Variants in FREM2 observed in about 807,000 individuals in gnomAD.
FREM2 encodes the protein FRAS1-related extracellular matrix protein 2.
FREM2 carries 119 observed loss-of-function variants against 219.9 expected under a neutral mutation model. That is an observed-to-expected ratio of 0.54 (90% CI 0.47 to 0.63). FREM2 has a LOEUF of 0.63. Among genes scored for constraint, FREM2 ranks in the 30% least tolerant of loss-of-function variants. FREM2 has a pLI of 0.00. For missense variants in FREM2, 4,030 were observed against 3,993.6 expected (o/e 1.01, Z -0.25); for synonymous variants, 1,562 against 1,522.8 (o/e 1.03, Z -0.60).
In FREM2 at chr13:38,796,730, C is replaced by T. The variant is rs1024467701; in HGVS notation, c.6019+11922C>T. On this transcript the variant is annotated intron_variant, in intron 6 of 23. Coordinates refer to ENST00000280481, the MANE Select transcript of FREM2 (RefSeq NM_207361.6). ...TATAAATAGTGCTGCAATGAACACA[C>T]AAGTGCAGGTATTCCTTTGATATAT... Among the ~76,000 whole-genome samples the T allele has an allele frequency of 2.6e-5, 4 of 152,254 alleles. No individual in the cohort carries two copies. In the East Asian group the frequency reaches 7.7e-4, roughly 29 times the overall value.
chr13:38,691,097 C>T lies in FREM2; in HGVS notation c.3753C>T (p.Ser1251=), dbSNP rs78099370. ...TAAATGGCACGGTTTTGGTCGAAAGCTTCACCTTGGATCAGATCATAGAGA... is the reference window on the plus strand; with the variant it reads ...TAAATGGCACGGTTTTGGTCGAAAGTTTCACCTTGGATCAGATCATAGAGA... The part of the protein sequence containing the change: ...QLINGTVLVE[S]FTLDQIIESS... The change falls in exon 1 of 24, where the codon AGC becomes AGT. Residue 1251 remains serine (S), a synonymous_variant. Coordinates refer to ENST00000280481, the MANE Select transcript of FREM2 (RefSeq NM_207361.6). The T allele has an allele frequency of 1.4e-3, 2,194 of 1,614,034 alleles. 39 individuals carry two copies. The African/African-American group carries it at 0.027, about 20-fold the overall frequency.
In FREM2 at chr13:38,687,793, G is replaced by A. The variant is rs1301345903; in HGVS notation, c.449G>A (p.Arg150His). The change falls in exon 1 of 24, where the codon CGC becomes CAC. Residue 150 changes from arginine to histidine, a missense_variant. Transcript: ENST00000280481. ...GGCGCGCGCAGCCCGTCTCGGGACC[G>A]CGTCCGGCTGCAGCTGCGCTATGAC... is the stretch of plus-strand genomic sequence containing the variant. ...HLGARSPSRD[R>H]VRLQLRYDAP... The A allele has an allele frequency of 1.3e-6, 2 of 1,537,336 alleles. No homozygotes were observed. The highest frequency in any genetic ancestry group is 1.8e-6 in the Non-Finnish European group (2 of 1,137,932).
intron 2 of FREM2, among the ~76,000 whole-genome samples, chr13:38,711,471 C>G (rs1870766678): frequency 6.6e-6 from 1 of 151,946 alleles, no homozygotes; most frequent in Non-Finnish European, 1.5e-5. Context: ...ATCTTAGGAG[C>G]CTGTGTTTTT....
At chr13:38,811,161 C>T (rs9576623) in intron 6 of FREM2, among the ~76,000 whole-genome samples, 23,410 of 151,746 alleles carry the variant, frequency 0.15, 2,121 homozygotes, top group East Asian at 0.28. Flanking sequence ...AGTTGTAATG[C>T]CTCCTTTTTC....
Position 38,690,568 on chromosome 13 carries a change from T to A in FREM2, c.3224T>A (p.Leu1075Ter). 6.2e-7 allele frequency: 1 copy of A among 1,614,170 alleles called. No homozygotes were observed. Among genetic ancestry groups the A allele is most frequent in the Non-Finnish European group, 8.5e-7 (1 of 1,180,028 alleles). ...CCAGAAATCTTTGTAGGTGAACAGT[T>A]GATAGTAATGGAAGGTGATAAAAGT... ...QAPEIFVGEQ[L>*]IVMEGDKSVI... Residue 1075 changes from leucine to a stop codon, truncating the protein, a stop_gained, in exon 1 of 24, where the codon TTG (leucine) becomes TAG (stop). Transcript: ENST00000280481. LOFTEE classifies it high-confidence loss of function.
intron 6 of FREM2, among the ~76,000 whole-genome samples, chr13:38,810,023 T>C (rs1317706864): frequency 1.3e-5 from 2 of 152,062 alleles, no homozygotes; most frequent in Non-Finnish European, 2.9e-5. Flanking sequence ...ATGGTTTTGT[T>C]GTAGAGCTCT....
At chr13:38,777,886 A>G (rs1372132850) in intron 4 of FREM2, among the ~76,000 whole-genome samples, 2 of 152,170 alleles carry the variant, frequency 1.3e-5, no homozygotes, top group Non-Finnish European at 1.5e-5. Context: ...TACTGGGCCT[A>G]TTTACTCTGT....
chr13:38,764,460 A>C lies in FREM2; in HGVS notation c.5410+10A>C. ...GAAACTTCTTTTATAAGTAAGTTTA[A>C]TTTTTTATTTCTGTTTTAAAATTTT... is the stretch of plus-strand genomic sequence containing the variant. On this transcript the variant is annotated intron_variant, in intron 3 of 23. Coordinates refer to ENST00000280481, the MANE Select transcript of FREM2 (RefSeq NM_207361.6). 1 of 1,438,730 alleles carries C rather than the reference A, an allele frequency of 7.0e-7. No homozygotes were observed. Among genetic ancestry groups the C allele is most frequent in the Non-Finnish European group, 9.6e-7 (1 of 1,037,038 alleles). 89.1% of individuals were successfully genotyped at this position (1,438,730 alleles called of 1,614,324 possible). A position where few individuals can be genotyped will look rare whatever the true frequency, so the allele number is the denominator to read the frequency against.
intron 11 of FREM2, among the ~76,000 whole-genome samples, chr13:38,852,704 C>CTTTT (rs369947598): frequency 7.6e-6 from 1 of 131,414 alleles, no homozygotes; most frequent in African/African-American, 2.8e-5. Flanking sequence ...ATGTCACCAT[C>CTTTT]TTTTTTTTTT....
chr13:38,702,428 A>G (rs1461024787), intron 2 of FREM2, among the ~76,000 whole-genome samples: 1 of 152,180 alleles, frequency 6.6e-6, no homozygotes, highest in African/African-American at 2.4e-5. Flanking sequence ...CAGTTACCCC[A>G]GTATTTTCTT....
At chr13:38,807,038 C>T (rs1875255764) in intron 6 of FREM2, among the ~76,000 whole-genome samples, 2 of 150,614 alleles carry the variant, frequency 1.3e-5, no homozygotes, top group Admixed American at 6.6e-5. Flanking sequence ...GGCTCCAATT[C>T]TAGCTCTCTT....
At chr13:38,763,235 TGTTAA>T (rs1194899782) in intron 2 of FREM2, among the ~76,000 whole-genome samples, 2 of 152,208 alleles carry the variant, frequency 1.3e-5, no homozygotes, top group African/African-American at 2.4e-5. Flanking sequence ...CTTTAGTACC[TGTTAA>T]GTTGATAGCT....
At chr13:38,709,162 A>G (rs1019968573) in intron 2 of FREM2, among the ~76,000 whole-genome samples, 3 of 152,168 alleles carry the variant, frequency 2.0e-5, no homozygotes, top group Admixed American at 6.5e-5. Flanking sequence ...ATTCCTGCAC[A>G]TGCCATGCTA....
intron 6 of FREM2, among the ~76,000 whole-genome samples, chr13:38,829,200 T>C (rs532284632): frequency 2.6e-5 from 4 of 152,252 alleles, no homozygotes; most frequent in African/African-American, 7.2e-5. Context: ...GGGTAGAACA[T>C]AAGCAGTCTT....
At position 38,872,931 on chromosome 13, in the gene FREM2, C is replaced by G. The variant is rs764061089; in HGVS notation, c.8173C>G (p.Gln2725Glu). Residue 2725 changes from glutamine (Q) to glutamate (E), a missense_variant, in exon 17 of 24, where the codon CAA becomes GAA. By Grantham distance (29) the Gln-to-Glu change is conservative. This residue lies in a region of FREM2 where 928 missense variants were observed against 1,042.9 expected (regional missense o/e 0.89). Transcript: ENST00000280481. Reference protein sequence around the residue: ...GIGSPPEAELQGSLYPTSMRI... With the variant: ...GIGSPPEAELEGSLYPTSMRI... ...TGGCAGCCCCCCAGAGGCTGAACTT[C>G]AAGGTGAGTTCAGAAGACTTGGAAA... is the stretch of plus-strand genomic sequence containing the variant. 6.2e-7 allele frequency: 1 copy of G among 1,612,734 alleles called. No homozygotes were observed. The highest frequency in any genetic ancestry group is 8.5e-7 in the Non-Finnish European group (1 of 1,179,044).
rs1251191567 is a variant in FREM2 at position 38,690,472 on chromosome 13, G to C, written c.3128G>C (p.Trp1043Ser). ...NLSLSDMSQE[W>S]RIGGNTIQGV... ...AGTCTGTCAGATATGTCTCAAGAATGGAGAATTGGTGGCAATACTATCCAA... is the reference window on the plus strand; with the variant it reads ...AGTCTGTCAGATATGTCTCAAGAATCGAGAATTGGTGGCAATACTATCCAA... The change falls in exon 1 of 24, where the codon TGG becomes TCG. Residue 1043 changes from tryptophan (W) to serine (S), a missense_variant. Physicochemically the swap from Trp to Ser is radical, Grantham distance 177 (BLOSUM62 -3). This residue lies in a region of FREM2 where 3,102 missense variants were observed against 2,950.7 expected (regional missense o/e 1.05). Transcript: ENST00000280481. The C allele has an allele frequency of 4.3e-6, 7 of 1,614,082 alleles. No homozygotes were observed. The African/African-American group carries it at 6.7e-5, about 15-fold the overall frequency.
chr13:38,777,744 A>G (rs1479624734), intron 4 of FREM2, among the ~76,000 whole-genome samples: 1 of 152,196 alleles, frequency 6.6e-6, no homozygotes, highest in Non-Finnish European at 1.5e-5. Flanking sequence ...TATAACGTGA[A>G]GTTGAAAAGG....
chr13:38,880,822 G>A lies in FREM2; in HGVS notation c.*35G>A, dbSNP rs1408121930. ...GTAGAATTCAACCTTTTCCGTAAGT[G>A]CCTCGGAAAAGATCACAATGGAACC... On this transcript the variant is annotated 3_prime_UTR_variant, in exon 24 of 24. Transcript: ENST00000280481. 5 of 1,611,618 alleles carry A rather than the reference G, an allele frequency of 3.1e-6. No individual in the cohort carries two copies. Among genetic ancestry groups the A allele is most frequent in the Admixed American group, 1.7e-5 (1 of 59,978 alleles).
At chr13:38,810,923 T>G (rs976245349) in intron 6 of FREM2, among the ~76,000 whole-genome samples, 5 of 152,104 alleles carry the variant, frequency 3.3e-5, no homozygotes. Context: ...AATTCAGCAG[T>G]GAAGCTGTCA....
Sources: allele counts gnomAD v4.1 joint callset (sites outside exome capture counted in the v4.1 genomes callset), GRCh38; gene constraint gnomAD v4.1.1; regional missense constraint gnomAD v4.1.1; transcripts MANE v1.5; gene names NCBI Gene and HGNC (gene_info 2026-07-23, HGNC 2026-07-21).